The following SPMIP2 variants were observed in gnomAD, a reference collection of about 807,000 sequenced individuals.
SPMIP2 encodes sperm microtubule inner protein 2.
At chr4:158,988,737 C>G in the SPMIP2 span, among the ~76,000 whole-genome samples, 1 of 151,820 alleles carries the variant, frequency 6.6e-6, no homozygotes, top group African/African-American at 2.4e-5. Context: ...TGGAGTGTAT[C>G]TCAAAATGAG....
At chr4:158,902,821 T>C in the SPMIP2 span, among the ~76,000 whole-genome samples, 16 of 152,248 alleles carry the variant, frequency 1.1e-4, no homozygotes, top group Middle Eastern at 3.4e-3. Context: ...TCAGCAATGG[T>C]GGATGCCCCT....
the SPMIP2 span, among the ~76,000 whole-genome samples, chr4:158,914,829 G>T: frequency 4.4e-4 from 67 of 152,300 alleles, no homozygotes; most frequent in African/African-American, 1.5e-3. Flanking sequence ...CAGTTTGTGA[G>T]GTTTTGAGTG....
chr4:159,036,717 C>G, the SPMIP2 span, among the ~76,000 whole-genome samples: 17 of 152,220 alleles, frequency 1.1e-4, no homozygotes, highest in African/African-American at 4.1e-4. Flanking sequence ...CCAATGTGGG[C>G]AACTAGAGTC....
chr4:159,052,331 A>G, the SPMIP2 span, among the ~76,000 whole-genome samples: 1 of 152,214 alleles, frequency 6.6e-6, no homozygotes, highest in Non-Finnish European at 1.5e-5. Flanking sequence ...AATCAGCTAC[A>G]GCAGAGTGTC....
the SPMIP2 span, among the ~76,000 whole-genome samples, chr4:158,902,617 G>A: frequency 2.0e-5 from 3 of 152,218 alleles, no homozygotes; most frequent in Admixed American, 2.0e-4. Flanking sequence ...CTGTCCCAAA[G>A]AGATGGGGGT....
the SPMIP2 span, among the ~76,000 whole-genome samples, chr4:159,039,376 T>C: frequency 1.3e-5 from 2 of 149,680 alleles, no homozygotes; most frequent in African/African-American, 2.5e-5. Flanking sequence ...CCCAGGGGAG[T>C]GGAGATGGGG....
chr4:158,932,247 C>A, the SPMIP2 span, among the ~76,000 whole-genome samples: 1 of 152,172 alleles, frequency 6.6e-6, no homozygotes, highest in Non-Finnish European at 1.5e-5. Flanking sequence ...GGGTGGATCA[C>A]TTGAGGTCAG....
At chr4:158,988,577 G>T in the SPMIP2 span, among the ~76,000 whole-genome samples, 24 of 152,280 alleles carry the variant, frequency 1.6e-4, no homozygotes, top group East Asian at 4.6e-3. Flanking sequence ...TGCAAGGCTG[G>T]TTCAACCTAC....
chr4:159,046,999 T>G, the SPMIP2 span, among the ~76,000 whole-genome samples: 3 of 152,074 alleles, frequency 2.0e-5, no homozygotes, highest in African/African-American at 7.2e-5. Flanking sequence ...GGACAGAGAG[T>G]TGGAAGTTAT....
chr4:159,006,342 T>G, the SPMIP2 span, among the ~76,000 whole-genome samples: 1 of 152,210 alleles, frequency 6.6e-6, no homozygotes, highest in Non-Finnish European at 1.5e-5. Flanking sequence ...GAAACCATCT[T>G]AAGCAACCAT....
chr4:158,915,292 T>C, the SPMIP2 span: 1 of 1,613,630 alleles, frequency 6.2e-7, no homozygotes, highest in Admixed American at 1.7e-5. Flanking sequence ...TCGAAAGCAC[T>C]CATATGCCAG....
chr4:159,030,873 C>A, the SPMIP2 span, among the ~76,000 whole-genome samples: 2 of 152,194 alleles, frequency 1.3e-5, no homozygotes, highest in African/African-American at 4.8e-5. Flanking sequence ...AAGTAACTCT[C>A]AGAATTGCTG....
the SPMIP2 span, among the ~76,000 whole-genome samples, chr4:158,908,919 C>T: frequency 0.02 from 3,008 of 152,162 alleles, 96 homozygotes; most frequent in African/African-American, 0.069. Flanking sequence ...AACTCCTGAC[C>T]TCAGGAGATC....
At chr4:158,923,320 T>C in the SPMIP2 span, among the ~76,000 whole-genome samples, 3 of 152,350 alleles carry the variant, frequency 2.0e-5, no homozygotes, top group African/African-American at 7.2e-5. Flanking sequence ...AGGGACTGCA[T>C]TGAATCTGTA....
chr4:158,967,437 C>T, the SPMIP2 span, among the ~76,000 whole-genome samples: 2 of 152,058 alleles, frequency 1.3e-5, no homozygotes, highest in Non-Finnish European at 2.9e-5. Flanking sequence ...TATGTTAAAC[C>T]ACAAACTGTT....
At chr4:159,003,404 T>A in the SPMIP2 span, among the ~76,000 whole-genome samples, 3 of 152,190 alleles carry the variant, frequency 2.0e-5, no homozygotes, top group Non-Finnish European at 2.9e-5. Flanking sequence ...AGTAAGGTAT[T>A]GTATGTAGCA....
the SPMIP2 span, among the ~76,000 whole-genome samples, chr4:159,009,486 G>A: frequency 6.6e-6 from 1 of 152,158 alleles, no homozygotes; most frequent in South Asian, 2.1e-4. Context: ...ATTAATTAAT[G>A]TACCAAGACT....
chr4:158,902,296 C>G, the SPMIP2 span, among the ~76,000 whole-genome samples: 436 of 152,304 alleles, frequency 2.9e-3, no homozygotes, highest in African/African-American at 8.1e-3. Flanking sequence ...CCCTGTTTGC[C>G]TGGGTATCAC....
the SPMIP2 span, among the ~76,000 whole-genome samples, chr4:158,985,249 T>C: frequency 3.5e-5 from 5 of 143,442 alleles, no homozygotes; most frequent in East Asian, 2.0e-4. Flanking sequence ...TTCCAATCAA[T>C]AGAAAAAGAG....
Sources: gnomAD v4.1 joint callset for allele counts (sites outside exome capture counted in the v4.1 genomes callset) on GRCh38, gnomAD v4.1.1 for gene constraint, MANE v1.5 for transcripts, NCBI Gene and HGNC (gene_info 2026-07-23, HGNC 2026-07-21) for gene names.